Variants in ABTB2 observed in about 807,000 individuals in gnomAD.
The protein encoded by ABTB2 is ankyrin repeat and BTB/POZ domain-containing protein 2.
Under a neutral mutation model 104.1 loss-of-function variants are expected in ABTB2, and 56 were observed. The observed-to-expected ratio is 0.54, with a 90% CI of 0.43 to 0.67. The LOEUF is 0.67. ABTB2 is among the 30% of genes least tolerant of loss of function. The pLI, the probability that ABTB2 is intolerant of heterozygous loss-of-function variation, is 0.00. For missense variants in ABTB2, 1,279 were observed against 1,407.7 expected (o/e 0.91, Z 1.46); for synonymous variants, 606 against 608.2 (o/e 1.00, Z 0.05).
intron 1 of ABTB2, among the ~76,000 whole-genome samples, chr11:34,261,688 C>T (rs866622440): frequency 6.6e-6 from 1 of 152,116 alleles, no homozygotes; most frequent in African/African-American, 2.4e-5. Flanking sequence ...CCACTTAGAT[C>T]TCATGCAATA....
intron 1 of ABTB2, among the ~76,000 whole-genome samples, chr11:34,221,246 T>C (rs112165702): frequency 1.7e-3 from 255 of 152,236 alleles, no homozygotes; most frequent in African/African-American, 5.9e-3. Context: ...GCTGGGATTA[T>C]AGGCGTGAGC....
At chr11:34,198,005 C>T (rs914193694) in intron 2 of ABTB2, among the ~76,000 whole-genome samples, 7 of 152,210 alleles carry the variant, frequency 4.6e-5, no homozygotes, top group Non-Finnish European at 1.0e-4. Context: ...CAATTACAAC[C>T]ACCAACACCA....
At chr11:34,255,106 CAG>C (rs1365478573) in intron 1 of ABTB2, among the ~76,000 whole-genome samples, 7 of 152,330 alleles carry the variant, frequency 4.6e-5, no homozygotes, top group South Asian at 2.1e-4. Context: ...AACAAGCAAA[CAG>C]AGCACATTTA....
At chr11:34,279,413 T>C (rs1241400111) in intron 1 of ABTB2, among the ~76,000 whole-genome samples, 1 of 152,186 alleles carries the variant, frequency 6.6e-6, no homozygotes, top group Non-Finnish European at 1.5e-5. Context: ...TTCTTTACTT[T>C]AATCCTCATT....
rs763755237 is a variant in ABTB2 at position 34,274,158 on chromosome 11, C to CAAAAAAA, written c.884-69475_884-69469dup. On this transcript the variant is annotated intron_variant, in intron 1 of 16. Coordinates refer to ENST00000435224, the MANE Select transcript of ABTB2 (RefSeq NM_145804.3). The stretch of plus-strand genomic sequence containing the variant: ...TGGGCGACAGAGCGAGACTCCGTCT[C>CAAAAAAA]AAAAAAAAAAAAAAAAAAAAAAAAA... 3.9e-4 allele frequency among the ~76,000 whole-genome samples: 20 copies of CAAAAAAA among 50,744 alleles called. 1 individual carries two copies. Among genetic ancestry groups the CAAAAAAA allele is most frequent in the African/African-American group, 1.4e-3 (20 of 14,028 alleles). 33.3% of individuals were successfully genotyped at this position (50,744 alleles called of 152,430 possible). A position where few individuals can be genotyped will look rare whatever the true frequency, so the allele number is the denominator to read the frequency against.
chr11:34,301,567 T>C (rs542635192), intron 1 of ABTB2, among the ~76,000 whole-genome samples: 1 of 152,362 alleles, frequency 6.6e-6, no homozygotes, highest in East Asian at 1.9e-4. Context: ...CTGTTGAATT[T>C]TGTTCTCTGA....
Position 34,280,958 on chromosome 11 carries a change from T to A in ABTB2, c.883+75743A>T, listed in dbSNP as rs114011251. Among the ~76,000 whole-genome samples, 1,073 of 152,268 alleles carry A rather than the reference T, an allele frequency of 7.0e-3. 11 individuals carry two copies. The highest frequency in any genetic ancestry group is 0.025 in the African/African-American group (1,032 of 41,530). ...TGAAGAAAATGGGAAGCTCCTTAAT[T>A]GTGGCACAGATAGAGCAAAGCAGGG... On this transcript the variant is annotated intron_variant, in intron 1 of 16. Coordinates refer to ENST00000435224, the MANE Select transcript of ABTB2 (RefSeq NM_145804.3).
intron 5 of ABTB2, 147 bp downstream of exon 5, chr11:34,170,759 A>G: frequency 2.2e-6 from 2 of 902,530 alleles, no homozygotes; most frequent in Non-Finnish European, 3.3e-6. Flanking sequence ...ATGACCAGGC[A>G]GGGCAGGATT....
intron 1 of ABTB2, among the ~76,000 whole-genome samples, chr11:34,307,666 G>T (rs2611144): frequency 6.6e-6 from 1 of 151,604 alleles, no homozygotes; most frequent in Non-Finnish European, 1.5e-5. Flanking sequence ...TTATGTTAAT[G>T]GTTTGAGTCT....
At chr11:34,298,414 T>TG (rs1435140819) in intron 1 of ABTB2, among the ~76,000 whole-genome samples, 1 of 146,120 alleles carries the variant, frequency 6.8e-6, no homozygotes, top group Non-Finnish European at 1.5e-5. Flanking sequence ...TCTTGTTTCT[T>TG]TTTTTTTTTT....
intron 1 of ABTB2, among the ~76,000 whole-genome samples, chr11:34,236,606 G>A (rs1053487158): frequency 6.6e-6 from 1 of 152,160 alleles, no homozygotes; most frequent in Non-Finnish European, 1.5e-5. Flanking sequence ...TCAATCCACT[G>A]ATTTACTCCG....
At chr11:34,261,626 A>G (rs1854190474) in intron 1 of ABTB2, among the ~76,000 whole-genome samples, 1 of 152,222 alleles carries the variant, frequency 6.6e-6, no homozygotes, top group Admixed American at 6.5e-5. Flanking sequence ...AAACCCCAGA[A>G]GGGAAGAGGC....
chr11:34,285,821 C>T (rs943567404), intron 1 of ABTB2, among the ~76,000 whole-genome samples: 9 of 152,112 alleles, frequency 5.9e-5, no homozygotes, highest in African/African-American at 1.2e-4. Flanking sequence ...TCTTTTACTC[C>T]GTTGTTTCTT....
At chr11:34,193,420 C>T (rs1241770373) in intron 3 of ABTB2, among the ~76,000 whole-genome samples, 1 of 152,212 alleles carries the variant, frequency 6.6e-6, no homozygotes, top group African/African-American at 2.4e-5. Context: ...AAGGCCAGGG[C>T]CCACCCAGCA....
chr11:34,175,710 A>G (rs1428112302), intron 3 of ABTB2, among the ~76,000 whole-genome samples: 12 of 152,182 alleles, frequency 7.9e-5, no homozygotes. Context: ...ACCAATCTGT[A>G]TGAAGGGGAG....
intron 1 of ABTB2, among the ~76,000 whole-genome samples, chr11:34,327,809 A>G (rs1228789116): frequency 1.3e-5 from 2 of 152,160 alleles, no homozygotes; most frequent in African/African-American, 2.4e-5. Context: ...TGGGAGAAAG[A>G]GTTCTGGATT....
chr11:34,216,179 G>A (rs576410779), intron 1 of ABTB2, among the ~76,000 whole-genome samples: 1 of 152,310 alleles, frequency 6.6e-6, no homozygotes, highest in African/African-American at 2.4e-5. Flanking sequence ...CTGTGATGCA[G>A]TCAGCACAAG....
chr11:34,248,856 C>T (rs965445213), intron 1 of ABTB2, among the ~76,000 whole-genome samples: 8 of 152,328 alleles, frequency 5.3e-5, no homozygotes, highest in South Asian at 2.1e-4. Flanking sequence ...CACAGCCGGG[C>T]GCGGTGGCTC....
At chr11:34,156,545 C>CA (rs527359696) in intron 14 of ABTB2, among the ~76,000 whole-genome samples, 12 of 147,420 alleles carry the variant, frequency 8.1e-5, no homozygotes, top group Non-Finnish European at 1.8e-4. Context: ...TTTTTTGAGA[C>CA]AGAGTTTCGC....
Sources: gnomAD v4.1 joint callset for allele counts (sites outside exome capture counted in the v4.1 genomes callset) on GRCh38, gnomAD v4.1.1 for gene constraint, MANE v1.5 for transcripts, NCBI Gene and HGNC (gene_info 2026-07-23, HGNC 2026-07-21) for gene names.